SRRM2: variants seen among roughly 807,000 people sequenced by gnomAD.
SRRM2 encodes serine/arginine repetitive matrix protein 2.
Under a neutral mutation model 213.8 loss-of-function variants are expected in SRRM2, and 30 were observed. The ratio of observed to expected loss-of-function variants is 0.14; its 90% CI spans 0.10 to 0.19. The LOEUF is 0.19. Ranked by LOEUF, SRRM2 falls within the 10% of genes least tolerant of loss-of-function variation. SRRM2 has a pLI of 1.00. For synonymous variants in SRRM2, 2,025 were observed against 1,377.7 expected (o/e 1.47, Z -10.40); for missense variants, 4,904 against 3,647.0 (o/e 1.34, Z -8.88).
At position 2,761,995 on chromosome 16, in the gene SRRM2, C is replaced by G. The variant is rs375121354; in HGVS notation, c.1467C>G (p.Thr489=). 6.2e-7 allele frequency: 1 copy of G among 1,614,046 alleles called. No individual in the cohort carries two copies. Among genetic ancestry groups the G allele is most frequent in the Non-Finnish European group, 8.5e-7 (1 of 1,180,042 alleles). The part of the protein sequence containing the change: ...RRMGRSRSPA[T]AKRGRSRSRT... ...TGGGGAGGTCCCGTAGCCCTGCCAC[C>G]GCTAAGAGAGGGCGATCTCGGTCTC... The change falls in exon 11 of 15, where the codon ACC becomes ACG. Residue 489 remains threonine (T), a synonymous_variant. Coordinates refer to ENST00000301740, the MANE Select transcript of SRRM2 (RefSeq NM_016333.4).
rs374269313 is a variant in SRRM2 at position 2,769,141 on chromosome 16, T to A, written c.7878T>A (p.Ser2626=). 2 of 1,608,968 alleles carry A rather than the reference T, an allele frequency of 1.2e-6. No homozygotes were observed. The highest frequency in any genetic ancestry group is 1.7e-6 in the Non-Finnish European group (2 of 1,175,756). Reference sequence around the variant, plus strand: ...CTTCCTCCTCCTCCTCCTCCTCCTCTTCTTCCTCCTCCTCTTCCTCTTCTT... The same window carrying A: ...CTTCCTCCTCCTCCTCCTCCTCCTCATCTTCCTCCTCCTCTTCCTCTTCTT... ...SSSSSSSSSS[S]SSSSSSSSSS... Residue 2626 remains serine, a synonymous_variant, in exon 12 of 15, where the codon TCT becomes TCA. Coordinates refer to ENST00000301740, the MANE Select transcript of SRRM2 (RefSeq NM_016333.4).
chr16:2,759,200 G>A (rs375507849), intron 7 of SRRM2, 28 bp downstream of exon 7: 24 of 1,613,064 alleles, frequency 1.5e-5, no homozygotes, highest in South Asian at 3.3e-5. Context: ...CATAGGGGGC[G>A]CAGTGGCATG....
chr16:2,755,313 AG>A (rs1015718308), intron 1 of SRRM2, among the ~76,000 whole-genome samples: 1 of 152,184 alleles, frequency 6.6e-6, no homozygotes, highest in Non-Finnish European at 1.5e-5. Flanking sequence ...AGGAAGAGGC[AG>A]GGCTGAGAGA....
chr16:2,763,784 C>G lies in SRRM2; in HGVS notation c.3256C>G (p.Leu1086Val), dbSNP rs1310500028. ...ACAGAGTCATTCAGAATCACCATCT[C>G]TGCAGAGCAAATCTCAAACATCACC... is the stretch of plus-strand genomic sequence containing the variant. ...VRQSHSESPS[L>V]QSKSQTSPKG... Residue 1086 changes from leucine (L) to valine (V), a missense_variant, in exon 11 of 15, where the codon CTG (leucine) becomes GTG (valine). Leu to Val is a conservative substitution (Grantham distance 32, BLOSUM62 1). Transcript: ENST00000301740. The G allele has an allele frequency of 1.2e-6, 2 of 1,614,214 alleles. No individual in the cohort carries two copies. The highest frequency in any genetic ancestry group is 1.3e-5 in the African/African-American group (1 of 75,062).
intron 1 of SRRM2, 106 bp from the exon 2 acceptor site, chr16:2,756,228 A>T: frequency 9.3e-7 from 1 of 1,076,136 alleles, no homozygotes; most frequent in Admixed American, 2.9e-5. Context: ...TAGTGTGAAG[A>T]TCAATGTTGA....
intron 4 of SRRM2, 112 bp from the exon 5 acceptor site, chr16:2,758,358 G>A (rs949920462): frequency 9.8e-6 from 10 of 1,023,896 alleles, no homozygotes; most frequent in Admixed American, 9.7e-5. Context: ...GCAACAGAGC[G>A]AGACTCTTAT....
rs2068400613 is a variant in SRRM2, at chr16:2,762,696, G to C, written c.2168G>C (p.Arg723Thr). Residue 723 changes from arginine to threonine, a missense_variant, in exon 11 of 15, where the codon AGA (arginine) becomes ACA (threonine). Transcript: ENST00000301740. ...SHSRTPQRRGRSGSSSERKNK... is the reference protein window; with the variant it reads ...SHSRTPQRRGTSGSSSERKNK... ...TCTAGAACACCTCAAAGAAGAGGCA[G>C]ATCTGGCTCATCTTCAGAGCGGAAA... 1 of 1,614,090 alleles carries C rather than the reference G, an allele frequency of 6.2e-7. No individual in the cohort carries two copies. Among genetic ancestry groups the C allele is most frequent in the African/African-American group, 1.3e-5 (1 of 74,926 alleles).
rs868027466 is a variant in SRRM2, at chr16:2,765,808, C to T, written c.5280C>T (p.Gly1760=). Residue 1760 remains glycine, a synonymous_variant, in exon 11 of 15, where the codon GGC becomes GGT. Transcript: ENST00000301740. ...GCACTAAGACAACCTCAAGGAGAGG[C>T]CGCTCTCCTTCGCCAAAGCCTCGTG... ...SPRTKTTSRR[G]RSPSPKPRGL... 56 of 1,613,972 alleles carry T rather than the reference C, an allele frequency of 3.5e-5. No homozygotes were observed. The Middle Eastern group carries it at 5.6e-3, about 161-fold the overall frequency.
At chr16:2,753,005 C>T (rs1310431636) in intron 1 of SRRM2, among the ~76,000 whole-genome samples, 159 bp downstream of exon 1, 2 of 151,242 alleles carry the variant, frequency 1.3e-5, no homozygotes, top group African/African-American at 2.4e-5. Context: ...TCCCTTCCCC[C>T]TTCCCGCCGT....
chr16:2,766,765 T>A lies in SRRM2; in HGVS notation c.6237T>A (p.Ser2079=). Residue 2079 remains serine, a synonymous_variant, in exon 11 of 15, where the codon TCT becomes TCA. Coordinates refer to ENST00000301740, the MANE Select transcript of SRRM2 (RefSeq NM_016333.4). This position sits in a 1 kb window ranked among gnomAD's most constrained non-coding sequence, Gnocchi z 7.0. ...TRSPPAIRRR[S]ASGSSSDRSR... is the part of the protein sequence containing the mutation. ...CTCCTCCAGCCATCCGCAGGCGTTCTGCATCTGGAAGTAGTTCTGATCGTT... is the reference window on the plus strand; with the variant it reads ...CTCCTCCAGCCATCCGCAGGCGTTCAGCATCTGGAAGTAGTTCTGATCGTT... 1 of 1,614,200 alleles carries A rather than the reference T, an allele frequency of 6.2e-7. No homozygotes were observed. Among genetic ancestry groups the A allele is most frequent in the Non-Finnish European group, 8.5e-7 (1 of 1,180,038 alleles).
chr16:2,769,759 A>G (rs752686993), intron 12 of SRRM2: 5 of 466,216 alleles, frequency 1.1e-5, no homozygotes, highest in South Asian at 7.7e-5. Context: ...CTGCAGGACA[A>G]AGCCCCACCT....
rs774446776 is a variant in SRRM2 at position 2,769,206 on chromosome 16, C to T, written c.7943C>T (p.Ser2648Phe). Residue 2648 changes from serine to phenylalanine, a missense_variant, in exon 12 of 15, where the codon TCC becomes TTC. Physicochemically the swap from Ser to Phe is radical, Grantham distance 155 (BLOSUM62 -2). Coordinates refer to ENST00000301740, the MANE Select transcript of SRRM2 (RefSeq NM_016333.4). Reference sequence around the variant, plus strand: ...TCTTCCTCCTCCTCGTCGTCTTCCTCCCCTTCCCCTGCTAAGCCTGGCCCT... The same window carrying T: ...TCTTCCTCCTCCTCGTCGTCTTCCTTCCCTTCCCCTGCTAAGCCTGGCCCT... ...SSSSSSSSSSSPSPAKPGPQA... is the reference protein window; with the variant it reads ...SSSSSSSSSSFPSPAKPGPQA... 1.2e-6 allele frequency: 2 copies of T among 1,605,128 alleles called. No individual in the cohort carries two copies. Among genetic ancestry groups the T allele is most frequent in the Admixed American group, 1.7e-5 (1 of 59,436 alleles).
rs777371075 is a variant in SRRM2, at chr16:2,762,566, C to G, written c.2038C>G (p.Arg680Gly). The part of the protein sequence containing the change: ...RSRTPARRSG[R>G]SRSRTPARRG... ...TAGAACCCCAGCTAGACGCAGTGGT[C>G]GCTCACGCTCCAGAACACCAGCCAG... is the stretch of plus-strand genomic sequence containing the variant. The change falls in exon 11 of 15, where the codon CGC (arginine) becomes GGC (glycine). Residue 680 changes from arginine to glycine, a missense_variant. Transcript: ENST00000301740. The G allele has an allele frequency of 6.2e-7, 1 of 1,613,526 alleles. No homozygotes were observed. The highest frequency in any genetic ancestry group is 1.3e-5 in the African/African-American group (1 of 74,722).
In SRRM2 at chr16:2,761,766, C is replaced by A. The variant is rs1004888668; in HGVS notation, c.1238C>A (p.Pro413His). Residue 413 changes from proline to histidine, a missense_variant, in exon 11 of 15, where the codon CCC becomes CAC. Physicochemically the swap from Pro to His is moderately conservative, Grantham distance 77 (BLOSUM62 -2). Transcript: ENST00000301740. Reference protein sequence around the residue: ...RSPPKSPEKLPQSSSSESSPP... With the variant: ...RSPPKSPEKLHQSSSSESSPP... Reference sequence around the variant, plus strand: ...CCACCTAAGTCTCCCGAGAAACTTCCCCAGTCTTCTTCCTCAGAGAGCAGC... The same window carrying A: ...CCACCTAAGTCTCCCGAGAAACTTCACCAGTCTTCTTCCTCAGAGAGCAGC... 1.2e-6 allele frequency: 2 copies of A among 1,613,426 alleles called. No individual in the cohort carries two copies. Among genetic ancestry groups the A allele is most frequent in the Non-Finnish European group, 8.5e-7 (1 of 1,179,746 alleles).
chr16:2,760,442 G>A lies in SRRM2; in HGVS notation c.975G>A (p.Glu325=). Residue 325 remains glutamate, a synonymous_variant, in exon 10 of 15, where the codon GAG becomes GAA. Coordinates refer to ENST00000301740, the MANE Select transcript of SRRM2 (RefSeq NM_016333.4). ...TTSTQRPSSP[E]TATKQPSSPY... ...GCACACAACGGCCTAGTAGCCCGGA[G>A]ACTGCTACGAAACAGCCTAGCAGCC... 6.2e-7 allele frequency: 1 copy of A among 1,614,190 alleles called. No homozygotes were observed. Among genetic ancestry groups the A allele is most frequent in the Non-Finnish European group, 8.5e-7 (1 of 1,180,042 alleles).
At position 2,761,974 on chromosome 16, in the gene SRRM2, G is replaced by T. The variant is rs375489395; in HGVS notation, c.1446G>T (p.Gly482=). ...SHSHTPSRRM[G]RSRSPATAKR... ...CTCATACCCCCTCCCGTAGGATGGG[G>T]AGGTCCCGTAGCCCTGCCACCGCTA... The change falls in exon 11 of 15, where the codon GGG becomes GGT. Residue 482 remains glycine (G), a synonymous_variant. Coordinates refer to ENST00000301740, the MANE Select transcript of SRRM2 (RefSeq NM_016333.4). The T allele has an allele frequency of 2.1e-5, 34 of 1,614,114 alleles. No homozygotes were observed. Among genetic ancestry groups the T allele is most frequent in the Non-Finnish European group, 2.5e-5 (30 of 1,180,004 alleles).
chr16:2,763,836 C>T lies in SRRM2; in HGVS notation c.3308C>T (p.Ser1103Phe). 8 of 1,614,242 alleles carry T rather than the reference C, an allele frequency of 5.0e-6. No homozygotes were observed. Among genetic ancestry groups the T allele is most frequent in the African/African-American group, 1.3e-5 (1 of 75,068 alleles). The change falls in exon 11 of 15, where the codon TCT becomes TTT. Residue 1103 changes from serine (S) to phenylalanine (F), a missense_variant. Physicochemically the swap from Ser to Phe is radical, Grantham distance 155. Coordinates refer to ENST00000301740, the MANE Select transcript of SRRM2 (RefSeq NM_016333.4). ...SPKGGRSRSS[S>F]PVTELASRSP... ...AAGGGAGGTCGGTCCAGGTCTTCAT[C>T]TCCAGTCACTGAGCTGGCATCCAGA...
chr16:2,757,832 A>G lies in SRRM2; in HGVS notation c.402A>G (p.Arg134=). Residue 134 remains arginine (R), a synonymous_variant, in exon 4 of 15, where the codon AGA becomes AGG. Transcript: ENST00000301740. The stretch of plus-strand genomic sequence containing the variant: ...AATTAAATGAGAAGAAGAATGAAAG[A>G]CTCCGTGCTGCCTTTGGCATCAGTG... ...LAELNEKKNE[R]LRAAFGISDS... is the part of the protein sequence containing the mutation. The G allele has an allele frequency of 6.2e-7, 1 of 1,613,702 alleles. No individual in the cohort carries two copies. Among genetic ancestry groups the G allele is most frequent in the East Asian group, 2.2e-5 (1 of 44,874 alleles).
intron 7 of SRRM2, 58 bp downstream of exon 7, chr16:2,759,230 T>A: frequency 1.2e-6 from 2 of 1,605,794 alleles, no homozygotes; most frequent in Non-Finnish European, 1.7e-6. Context: ...GATTTTTTTT[T>A]CTTGGAGTGA....
Sources: gnomAD v4.1 joint callset for allele counts (sites outside exome capture counted in the v4.1 genomes callset) on GRCh38, gnomAD v4.1.1 for gene constraint, Gnocchi (gnomAD v3.1) non-coding constraint, MANE v1.5 for transcripts, NCBI Gene and HGNC (gene_info 2026-07-23, HGNC 2026-07-21) for gene names.